NCKAP5: variants seen among roughly 807,000 people sequenced by gnomAD.
NCKAP5 encodes the protein nck-associated protein 5.
NCKAP5 carries 92 observed loss-of-function variants against 167.0 expected under a neutral mutation model. The observed-to-expected ratio is 0.55, with a 90% CI of 0.47 to 0.66. The LOEUF is 0.66. NCKAP5 is among the 30% of genes least tolerant of loss of function. The pLI is 0.00. For missense variants in NCKAP5, 2,378 were observed against 2,315.0 expected (o/e 1.03, Z -0.56); for synonymous variants, 891 against 877.4 (o/e 1.02, Z -0.27).
chr2:133,267,511 C>A (rs768903446), intron 4 of NCKAP5: 6 of 152,110 alleles, frequency 3.9e-5, no homozygotes, highest in Admixed American at 3.9e-4. Context: ...GGGGGGAGAA[C>A]GGCCGTGTAG....
At chr2:133,627,378 TA>T in the NCKAP5 span, among the ~76,000 whole-genome samples, 2 of 152,228 alleles carry the variant, frequency 1.3e-5, no homozygotes, top group African/African-American at 4.8e-5. Context: ...TTATAATATT[TA>T]AAACTTATGT....
intron 11 of NCKAP5, among the ~76,000 whole-genome samples, chr2:132,811,791 G>A (rs539514755): frequency 7.2e-5 from 11 of 152,246 alleles, no homozygotes; most frequent in South Asian, 4.1e-4. Context: ...GCTAGGAAGC[G>A]TCTGGCCCTG....
the NCKAP5 span, among the ~76,000 whole-genome samples, chr2:133,580,121 T>G: frequency 3.3e-5 from 5 of 152,220 alleles, no homozygotes; most frequent in East Asian, 9.6e-4. Context: ...AGGAGGCCAC[T>G]GTCTCCCAGC....
chr2:132,978,905 A>G (rs1275490701), intron 7 of NCKAP5, among the ~76,000 whole-genome samples: 1 of 152,112 alleles, frequency 6.6e-6, no homozygotes, highest in Non-Finnish European at 1.5e-5. Flanking sequence ...AACCCAGCAA[A>G]CTTAGCAGTC....
In NCKAP5 at chr2:132,698,196, G is replaced by T. The variant is rs1437474429; in HGVS notation, c.5714-24891C>A. On this transcript the variant is annotated intron_variant, in intron 19 of 19. Coordinates refer to ENST00000409261, the MANE Select transcript of NCKAP5 (RefSeq NM_207363.3). Reference sequence around the variant, plus strand: ...GTCAACAAATCTGATGGTTTTTTTGGTGTTCACACATTTTAGGACCCCATC... The same window carrying T: ...GTCAACAAATCTGATGGTTTTTTTGTTGTTCACACATTTTAGGACCCCATC... 2.6e-5 allele frequency among the ~76,000 whole-genome samples: 4 copies of T among 151,944 alleles called. 1 individual carries two copies. The East Asian group carries it at 7.7e-4, about 29-fold the overall frequency.
At chr2:132,953,119 AAC>A (rs1558983418) in intron 8 of NCKAP5, among the ~76,000 whole-genome samples, 1 of 152,184 alleles carries the variant, frequency 6.6e-6, no homozygotes, top group African/African-American at 2.4e-5. Context: ...CTAAGTAACC[AAC>A]AGTGAGGATT....
chr2:132,752,445 A>G (rs1482516980), intron 16 of NCKAP5, among the ~76,000 whole-genome samples: 1 of 152,232 alleles, frequency 6.6e-6, no homozygotes, highest in African/African-American at 2.4e-5. Flanking sequence ...AAGCCTCTTC[A>G]CTAGGGCCCC....
At chr2:133,057,930 A>G (rs1412775840) in intron 6 of NCKAP5, among the ~76,000 whole-genome samples, 2 of 152,214 alleles carry the variant, frequency 1.3e-5, no homozygotes, top group Non-Finnish European at 1.5e-5. Context: ...CTTGTTAGAG[A>G]CTAACGCAAT....
the NCKAP5 span, among the ~76,000 whole-genome samples, chr2:133,673,399 T>C: frequency 1.3e-5 from 2 of 152,166 alleles, no homozygotes; most frequent in Admixed American, 1.3e-4. Context: ...GCAGGAAAGC[T>C]TTCTGCGTTC....
intron 9 of NCKAP5, among the ~76,000 whole-genome samples, chr2:132,872,196 G>T (rs10182208): frequency 1.3e-5 from 2 of 152,202 alleles, no homozygotes; most frequent in South Asian, 4.1e-4. Flanking sequence ...GCCTTCCTTA[G>T]GCTGTCCATG....
At chr2:132,758,561 T>C (rs2104839809) in intron 16 of NCKAP5, among the ~76,000 whole-genome samples, 1 of 152,320 alleles carries the variant, frequency 6.6e-6, no homozygotes. Flanking sequence ...ATTCAAGGGT[T>C]GCCCACAACC....
At chr2:132,879,449 C>G (rs72992852) in intron 8 of NCKAP5, among the ~76,000 whole-genome samples, 5,186 of 152,270 alleles carry the variant, frequency 0.034, 300 homozygotes, top group African/African-American at 0.12. Context: ...ATCCCCTTCC[C>G]CACACTCTTG....
intron 6 of NCKAP5, among the ~76,000 whole-genome samples, chr2:133,003,695 T>C (rs1573704128): frequency 6.6e-6 from 1 of 152,204 alleles, no homozygotes; most frequent in South Asian, 2.1e-4. Flanking sequence ...TCCTAGATGA[T>C]ATATATTTTT....
At chr2:133,587,770 C>T in the NCKAP5 span, among the ~76,000 whole-genome samples, 1 of 152,196 alleles carries the variant, frequency 6.6e-6, no homozygotes, top group African/African-American at 2.4e-5. Flanking sequence ...TAGAAAATTA[C>T]CCTTTCCTCC....
intron 7 of NCKAP5, among the ~76,000 whole-genome samples, chr2:132,964,170 C>A (rs1025047111): frequency 1.3e-5 from 2 of 152,134 alleles, no homozygotes; most frequent in Non-Finnish European, 2.9e-5. Context: ...TTTATCTGCA[C>A]AATGAAACTC....
At position 133,558,704 on chromosome 2, in the gene NCKAP5, C is replaced by CAAAAAAAAAAAAAAAA. The variant is rs60051493; in HGVS notation, c.-62+330_-62+345dup. On this transcript the variant is annotated intron_variant, in intron 2 of 19. Transcript: ENST00000409261. ...ACATAAACAGATGCAATGTGCTGAG[C>CAAAAAAAAAAAAAAAA]AAAAAAAAAAAAAAAAAAAAAAGCC... 1.6e-3 allele frequency among the ~76,000 whole-genome samples: 82 copies of CAAAAAAAAAAAAAAAA among 50,870 alleles called. 13 individuals carry two copies. The highest frequency in any genetic ancestry group is 5.1e-3 in the East Asian group (7 of 1,378). 33.4% of individuals were successfully genotyped at this position (50,870 alleles called of 152,430 possible).
intron 8 of NCKAP5, among the ~76,000 whole-genome samples, chr2:132,934,048 G>A (rs1696652019): frequency 6.6e-6 from 1 of 152,162 alleles, no homozygotes. Context: ...TTTGAAACAA[G>A]TATTTCAAAT....
At position 132,883,632 on chromosome 2, in the gene NCKAP5, G is replaced by A. The variant is rs542583292; in HGVS notation, c.580-4716C>T. ...CCCAACAGCCCACTGGATCTGCCACGTGTCCACCTGTGTGCAGTGCTGGCC... is the reference window on the plus strand; with the variant it reads ...CCCAACAGCCCACTGGATCTGCCACATGTCCACCTGTGTGCAGTGCTGGCC... On this transcript the variant is annotated intron_variant, in intron 8 of 19. Transcript: ENST00000409261. Among the ~76,000 whole-genome samples the A allele has an allele frequency of 4.9e-4, 74 of 152,230 alleles. 1 individual carries two copies. Among genetic ancestry groups the A allele is most frequent in the Admixed American group, 4.0e-3 (61 of 15,274 alleles).
At chr2:133,090,214 A>T (rs1055859813) in intron 6 of NCKAP5, among the ~76,000 whole-genome samples, 10 of 68,256 alleles carry the variant, frequency 1.5e-4, no homozygotes, top group African/African-American at 5.2e-4. Flanking sequence ...AAGAAAATTA[A>T]AAAAAAAAAA....
Sources: gnomAD v4.1 joint callset for allele counts (sites outside exome capture counted in the v4.1 genomes callset) on GRCh38, gnomAD v4.1.1 for gene constraint, MANE v1.5 for transcripts, NCBI Gene and HGNC (gene_info 2026-07-23, HGNC 2026-07-21) for gene names.